Variants in ZMYM4 observed in about 807,000 individuals in gnomAD.
ZMYM4 encodes the protein zinc finger MYM-type containing 4.
Under a neutral mutation model 183.2 loss-of-function variants are expected in ZMYM4, and 31 were observed. The ratio of observed to expected loss-of-function variants is 0.17; its 90% CI spans 0.13 to 0.23. The LOEUF is 0.23. ZMYM4 is among the 10% of genes least tolerant of loss of function. The probability of loss-of-function intolerance (pLI) is 1.00; values close to 1 mark genes in which losing one functional copy is unlikely to be tolerated. For missense variants in ZMYM4, 1,273 were observed against 1,840.3 expected (o/e 0.69, Z 5.64); for synonymous variants, 592 against 631.2 (o/e 0.94, Z 0.93).
chr1:35,399,622 A>G (rs535430738), intron 23 of ZMYM4, 46 bp downstream of exon 23: 9 of 1,599,826 alleles, frequency 5.6e-6, no homozygotes, highest in African/African-American at 2.7e-5. Context: ...CCTTCATTCT[A>G]CAAGCATTAT....
chr1:35,280,656 C>CT (rs1640111435), intron 1 of ZMYM4, among the ~76,000 whole-genome samples: 1 of 152,310 alleles, frequency 6.6e-6, no homozygotes, highest in South Asian at 2.1e-4. Context: ...TTCCTCCTCT[C>CT]TTTGAGCCTC....
intron 2 of ZMYM4, among the ~76,000 whole-genome samples, chr1:35,328,892 A>AT (rs953035779): frequency 1.2e-4 from 19 of 152,118 alleles, no homozygotes; most frequent in South Asian, 4.1e-4. Context: ...AGAAAAAAAG[A>AT]TTAACTGTAT....
chr1:35,337,622 A>G (rs1482339278), intron 2 of ZMYM4, among the ~76,000 whole-genome samples: 1 of 152,150 alleles, frequency 6.6e-6, no homozygotes, highest in East Asian at 1.9e-4. Flanking sequence ...CTGTTGCAGC[A>G]GTTCAGCTCT....
rs889421652 is a variant in ZMYM4 at position 35,412,662 on chromosome 1, TTTTC to T, written c.3949-1306_3949-1303del. On this transcript the variant is annotated intron_variant, in intron 26 of 29. Coordinates refer to ENST00000314607, the MANE Select transcript of ZMYM4 (RefSeq NM_005095.3). ...TTTGAATGAGTTTGAATAGTCTACTTTTTCTTTATTTTGAACTTTTTCAATAACG... is the reference window on the plus strand; with the variant it reads ...TTTGAATGAGTTTGAATAGTCTACTTTTTATTTTGAACTTTTTCAATAACG... 1.5e-4 allele frequency among the ~76,000 whole-genome samples: 23 copies of T among 152,130 alleles called. No homozygotes were observed. The East Asian group carries it at 3.3e-3, about 22-fold the overall frequency.
At chr1:35,275,868 A>G (rs533938267) in intron 1 of ZMYM4, among the ~76,000 whole-genome samples, 2 of 152,256 alleles carry the variant, frequency 1.3e-5, no homozygotes, top group East Asian at 3.9e-4. Context: ...TAATCTCTGG[A>G]ATTTAGCAAT....
chr1:35,400,205 T>TTC (rs1258249560), intron 23 of ZMYM4: 2 of 140,510 alleles, frequency 1.4e-5, no homozygotes, highest in African/African-American at 5.3e-5. Flanking sequence ...CACTATTTTT[T>TTC]TTTTTTTTTT....
intron 7 of ZMYM4, among the ~76,000 whole-genome samples, chr1:35,371,993 A>G (rs1231016269): frequency 6.6e-6 from 1 of 152,184 alleles, no homozygotes; most frequent in Non-Finnish European, 1.5e-5. Context: ...AACTTCTGCA[A>G]CTTTTTGTTT....
At chr1:35,361,366 T>TC (rs1200437369) in intron 4 of ZMYM4, 111 bp downstream of exon 4, 1 of 1,151,382 alleles carries the variant, frequency 8.7e-7, no homozygotes, top group African/African-American at 1.6e-5. Context: ...TGATTTTTTT[T>TC]TTTTAATTTG....
intron 25 of ZMYM4, among the ~76,000 whole-genome samples, chr1:35,406,570 TG>T (rs1645006296): frequency 6.6e-6 from 1 of 152,084 alleles, no homozygotes; most frequent in Admixed American, 6.6e-5. Context: ...ATAGTGCAAA[TG>T]GAGAGGTAAT....
chr1:35,339,172 C>A (rs1643095683), intron 2 of ZMYM4, among the ~76,000 whole-genome samples: 1 of 151,998 alleles, frequency 6.6e-6, no homozygotes, highest in Admixed American at 6.6e-5. Flanking sequence ...ATAAAGACTT[C>A]TTTTTCTTGT....
rs1376375450 is a variant in ZMYM4, at chr1:35,269,006, C to T, written c.-41C>T. 2.0e-6 allele frequency: 3 copies of T among 1,519,548 alleles called. No individual in the cohort carries two copies. Among genetic ancestry groups the T allele is most frequent in the Non-Finnish European group, 1.8e-6 (2 of 1,133,700 alleles). The allele number at this position is 1,519,548 out of a possible 1,614,324, so 94.1% of individuals were successfully genotyped here. On this transcript the variant is annotated 5_prime_UTR_variant, in exon 1 of 30. Transcript: ENST00000314607. The stretch of plus-strand genomic sequence containing the variant: ...CCGGGGGGCCGAGAGGTACCGCCGC[C>T]ACCGCGCGGGGAGCCGCAGCGGTTC...
At chr1:35,299,377 T>A (rs1641168774) in intron 1 of ZMYM4, among the ~76,000 whole-genome samples, 1 of 152,158 alleles carries the variant, frequency 6.6e-6, no homozygotes, top group Admixed American at 6.5e-5. Flanking sequence ...CAGAGATTAT[T>A]GACAATGAAA....
rs184923793 is a variant in ZMYM4, at chr1:35,271,739, C to T, written c.39+2654C>T. ...TTTATTTTTAACAACCTATAACATACGCAGGACTTGTATAGGTTTCCCCCA... is the reference window on the plus strand; with the variant it reads ...TTTATTTTTAACAACCTATAACATATGCAGGACTTGTATAGGTTTCCCCCA... On this transcript the variant is annotated intron_variant, in intron 1 of 29. Coordinates refer to ENST00000314607, the MANE Select transcript of ZMYM4 (RefSeq NM_005095.3). 2.9e-3 allele frequency among the ~76,000 whole-genome samples: 435 copies of T among 152,284 alleles called. 1 individual carries two copies. The highest frequency in any genetic ancestry group is 8.7e-3 in the South Asian group (42 of 4,826).
At chr1:35,314,892 G>A (rs575834932) in intron 1 of ZMYM4, among the ~76,000 whole-genome samples, 1 of 151,390 alleles carries the variant, frequency 6.6e-6, no homozygotes, top group Non-Finnish European at 1.5e-5. Flanking sequence ...AGGTGTGGTG[G>A]TGCGCATCTA....
In ZMYM4 at chr1:35,414,118, T is replaced by C. The variant is rs192177264; in HGVS notation, c.4060+35T>C. The C allele has an allele frequency of 2.0e-4, 250 of 1,262,220 alleles. 1 individual carries two copies. The African/African-American group carries it at 3.3e-3, about 17-fold the overall frequency. The allele number at this position is 1,262,220 out of a possible 1,614,324, so 78.2% of individuals were successfully genotyped here. The stretch of plus-strand genomic sequence containing the variant: ...TTTTTTTTTTATTGTTTTCATGATA[T>C]GCTTTCTTAAATTGCTTAACTTTTT... On this transcript the variant is annotated intron_variant, in intron 27 of 29. Coordinates refer to ENST00000314607, the MANE Select transcript of ZMYM4 (RefSeq NM_005095.3).
intron 5 of ZMYM4, among the ~76,000 whole-genome samples, chr1:35,362,975 AC>A (rs1312377400): frequency 1.3e-5 from 2 of 152,202 alleles, no homozygotes; most frequent in Non-Finnish European, 2.9e-5. Context: ...GTTCCAGACC[AC>A]CCTGGCCAAC....
intron 1 of ZMYM4, among the ~76,000 whole-genome samples, chr1:35,289,807 G>T (rs1415013172): frequency 6.6e-6 from 1 of 152,106 alleles, no homozygotes; most frequent in Non-Finnish European, 1.5e-5. Context: ...GCCCCTGGTT[G>T]AATACCACTG....
At chr1:35,416,590 GTC>G (rs1359512437) in intron 28 of ZMYM4, among the ~76,000 whole-genome samples, 1 of 151,974 alleles carries the variant, frequency 6.6e-6, no homozygotes, top group Non-Finnish European at 1.5e-5. Flanking sequence ...TTGAGATGAA[GTC>G]TCACTCTGTC....
chr1:35,319,107 C>G (rs934892987), intron 1 of ZMYM4, among the ~76,000 whole-genome samples: 16 of 151,892 alleles, frequency 1.1e-4, no homozygotes, highest in African/African-American at 3.6e-4. Flanking sequence ...CTCGAACTCC[C>G]GACCTCAGGT....
Sources: gnomAD v4.1 joint callset for allele counts (sites outside exome capture counted in the v4.1 genomes callset) on GRCh38, gnomAD v4.1.1 for gene constraint, MANE v1.5 for transcripts, NCBI Gene and HGNC (gene_info 2026-07-23, HGNC 2026-07-21) for gene names.